Variants in IGDCC4 observed in about 807,000 individuals in gnomAD.
The protein encoded by IGDCC4 is immunoglobulin superfamily DCC subclass member 4.
IGDCC4 carries 72 observed loss-of-function variants against 116.6 expected under a neutral mutation model. The observed-to-expected ratio is 0.62, with a 90% CI of 0.51 to 0.75. The LOEUF (loss-of-function observed/expected upper bound fraction) is 0.75, where lower values mean the gene tolerates loss of function less well. Ranked by LOEUF, IGDCC4 falls within the 30% of genes least tolerant of loss-of-function variation. The pLI is 0.00. For synonymous variants in IGDCC4, 709 were observed against 719.9 expected, an observed-to-expected ratio of 0.98 and a Z score of 0.24; for missense variants, 1,501 against 1,662.4, an observed-to-expected ratio of 0.90 and a Z score of 1.69.
At position 65,383,919 on chromosome 15, in the gene IGDCC4, A is replaced by G. The variant is rs1458280375; in HGVS notation, c.*90T>C. On this transcript the variant is annotated 3_prime_UTR_variant, in exon 20 of 20. Coordinates refer to ENST00000352385, the MANE Select transcript of IGDCC4 (RefSeq NM_020962.3). Reference sequence around the variant, plus strand: ...CTCCAAAGGGCTTGATGATGTATCTACAGGCACACATGTGGACATACACGG... The same window carrying G: ...CTCCAAAGGGCTTGATGATGTATCTGCAGGCACACATGTGGACATACACGG... 8.0e-7 allele frequency: 1 copy of G among 1,257,596 alleles called. No individual in the cohort carries two copies. Among genetic ancestry groups the G allele is most frequent in the Non-Finnish European group, 1.1e-6 (1 of 927,518 alleles). 77.9% of individuals were successfully genotyped at this position (1,257,596 alleles called of 1,614,324 possible). A position where few individuals can be genotyped will look rare whatever the true frequency, so the allele number is the denominator to read the frequency against.
intron 1 of IGDCC4, among the ~76,000 whole-genome samples, chr15:65,414,881 A>G (rs1489091780): frequency 6.6e-6 from 1 of 152,232 alleles, no homozygotes; most frequent in Non-Finnish European, 1.5e-5. Context: ...ACCTCAAGTG[A>G]TCTGCCTGCC....
At chr15:65,413,334 A>C (rs142540477) in intron 1 of IGDCC4, among the ~76,000 whole-genome samples, 144 of 152,110 alleles carry the variant, frequency 9.5e-4, no homozygotes, top group African/African-American at 3.3e-3. Context: ...CCCTGCAGCT[A>C]ATTTCCCCAA....
intron 4 of IGDCC4, 34 bp downstream of exon 4, chr15:65,402,316 AC>A (rs2062994729): frequency 1.9e-6 from 3 of 1,550,302 alleles, no homozygotes; most frequent in African/African-American, 1.4e-5. Context: ...GGTTCCAGAA[AC>A]CCCCAGGTTT....
rs1348762491 is a variant in IGDCC4, at chr15:65,385,087, C to T, written c.3209G>A (p.Ser1070Asn). The T allele has an allele frequency of 2.5e-6, 4 of 1,601,290 alleles. No homozygotes were observed. The highest frequency in any genetic ancestry group is 1.3e-5 in the African/African-American group (1 of 74,252). The change falls in exon 19 of 20, where the codon AGC (serine) becomes AAC (asparagine). Residue 1070 changes from serine (S) to asparagine (N), a missense_variant. Ser to Asn is a conservative substitution (Grantham distance 46, BLOSUM62 1). Transcript: ENST00000352385. Reference protein sequence around the residue: ...KISWAQPSGLSWAGSWAGCEL... With the variant: ...KISWAQPSGLNWAGSWAGCEL... ...ACAGCCTGCCCAGGAACCAGCCCAG[C>T]TCAGCCCGCTTGGTTGAGCCCAGGA...
At chr15:65,395,297 C>T (rs751475093) in intron 7 of IGDCC4, 39 bp from the exon 8 acceptor site, 1 of 1,572,450 alleles carries the variant, frequency 6.4e-7, no homozygotes, top group African/African-American at 1.4e-5. Context: ...CATAGTGCCA[C>T]CCCCCCGTGC....
chr15:65,385,382 A>G, intron 18 of IGDCC4: 1 of 549,756 alleles, frequency 1.8e-6, no homozygotes, highest in Non-Finnish European at 3.2e-6. Flanking sequence ...GGAGAGGGTG[A>G]GGGAGGACGG....
chr15:65,422,515 T>G (rs2063202301), intron 1 of IGDCC4, among the ~76,000 whole-genome samples: 1 of 83,336 alleles, frequency 1.2e-5, no homozygotes, highest in African/African-American at 6.2e-5. Context: ...ACAGGAGCAC[T>G]CCCAACACAC....
intron 3 of IGDCC4, among the ~76,000 whole-genome samples, chr15:65,409,855 C>T (rs916811812): frequency 2.0e-5 from 3 of 152,166 alleles, no homozygotes; most frequent in East Asian, 1.9e-4. Context: ...GCTCATGGTA[C>T]GGCTTGGGAT....
Position 65,422,919 on chromosome 15 carries a change from C to A in IGDCC4, c.-57G>T. On this transcript the variant is annotated 5_prime_UTR_variant, in exon 1 of 20. Transcript: ENST00000352385. ...CGCCTCCCCGTGCTTCGGCCGCCGC[C>A]GCGGGGGGAGAGCGCGCCGGGCGTC... 4 of 975,886 alleles carry A rather than the reference C, an allele frequency of 4.1e-6. No individual in the cohort carries two copies. Among genetic ancestry groups the A allele is most frequent in the South Asian group, 9.2e-5 (2 of 21,806 alleles). 60.5% of individuals were successfully genotyped at this position (975,886 alleles called of 1,614,324 possible).
chr15:65,386,435 T>G (rs891603867), intron 17 of IGDCC4, 116 bp downstream of exon 17: 3 of 867,692 alleles, frequency 3.5e-6, no homozygotes, highest in Non-Finnish European at 5.6e-6. Context: ...GTCCTGACTT[T>G]AACGGGGCTC....
chr15:65,394,255 TG>T (rs1449263414), intron 9 of IGDCC4, among the ~76,000 whole-genome samples, 155 bp downstream of exon 9: 1 of 152,028 alleles, frequency 6.6e-6, no homozygotes, highest in East Asian at 1.9e-4. Context: ...TTTTCATTCC[TG>T]CCCAGACCCC....
chr15:65,409,960 G>T (rs1326747924), intron 3 of IGDCC4, among the ~76,000 whole-genome samples: 2 of 152,154 alleles, frequency 1.3e-5, no homozygotes, highest in African/African-American at 4.8e-5. Context: ...ACCTACCCAG[G>T]CTCCACAGCT....
chr15:65,396,387 C>A, intron 6 of IGDCC4: 1 of 690,620 alleles, frequency 1.4e-6, no homozygotes, highest in Non-Finnish European at 2.6e-6. Context: ...CTTTCTCTCC[C>A]AAAACTGTCC....
At chr15:65,411,442 C>A (rs2063093523) in intron 1 of IGDCC4, 72 bp from the exon 2 acceptor site, 1 of 1,319,930 alleles carries the variant, frequency 7.6e-7, no homozygotes, top group South Asian at 1.6e-5. Context: ...TCCTGAGTCA[C>A]CCATGCAGGG....
chr15:65,394,597 G>T lies in IGDCC4; in HGVS notation c.1577-49C>A, dbSNP rs1200984664. On this transcript the variant is annotated intron_variant, in intron 8 of 19. Transcript: ENST00000352385. ...GAGCTCTGCTCCACCGACGTGGAAG[G>T]TGAGGCTCGGGAGCGGTCAGAGACT... The T allele has an allele frequency of 2.0e-6, 3 of 1,535,904 alleles. 1 individual carries two copies. Among genetic ancestry groups the T allele is most frequent in the Middle Eastern group, 3.7e-4 (2 of 5,414 alleles).
intron 1 of IGDCC4, among the ~76,000 whole-genome samples, chr15:65,414,115 G>A (rs992847385): frequency 1.3e-5 from 2 of 152,214 alleles, no homozygotes; most frequent in East Asian, 3.8e-4. Flanking sequence ...TAGAAGCCCT[G>A]TGAGTCTCCA....
chr15:65,422,937 C>A lies in IGDCC4; in HGVS notation c.-75G>T, dbSNP rs1235115306. On this transcript the variant is annotated 5_prime_UTR_variant, in exon 1 of 20. Coordinates refer to ENST00000352385, the MANE Select transcript of IGDCC4 (RefSeq NM_020962.3). ...CCGCCGCCGCGGGGGGAGAGCGCGCCGGGCGTCAGTGGCCCGGGGAGGCGC... is the reference window on the plus strand; with the variant it reads ...CCGCCGCCGCGGGGGGAGAGCGCGCAGGGCGTCAGTGGCCCGGGGAGGCGC... 4.2e-6 allele frequency: 4 copies of A among 943,596 alleles called. No homozygotes were observed. The highest frequency in any genetic ancestry group is 5.0e-6 in the Non-Finnish European group (4 of 794,722). The allele number at this position is 943,596 out of a possible 1,614,324, so 58.5% of individuals were successfully genotyped here. A position where few individuals can be genotyped will look rare whatever the true frequency, so the allele number is the denominator to read the frequency against.
intron 1 of IGDCC4, among the ~76,000 whole-genome samples, chr15:65,416,398 A>C (rs1192145568): frequency 6.6e-6 from 1 of 152,014 alleles, no homozygotes; most frequent in Admixed American, 6.5e-5. Context: ...CGGCCTTCCA[A>C]AGTGCTGGGA....
chr15:65,393,579 G>A lies in IGDCC4; in HGVS notation c.1715-48C>T, dbSNP rs1294159212. 1.3e-6 allele frequency: 2 copies of A among 1,547,166 alleles called. No homozygotes were observed. The highest frequency in any genetic ancestry group is 1.2e-5 in the South Asian group (1 of 80,266). On this transcript the variant is annotated intron_variant, in intron 9 of 19. Transcript: ENST00000352385. The surrounding 1 kb of genome is among the most constrained non-coding windows in gnomAD (Gnocchi z 4.6). ...CTGCTGGGTAGCCACCTGAGGAACAGGATCCTAAACCCCCCTACATGGCTC... is the reference window on the plus strand; with the variant it reads ...CTGCTGGGTAGCCACCTGAGGAACAAGATCCTAAACCCCCCTACATGGCTC...
Sources: allele counts gnomAD v4.1 joint callset (sites outside exome capture counted in the v4.1 genomes callset), GRCh38; gene constraint gnomAD v4.1.1; non-coding constraint Gnocchi (gnomAD v3.1); transcripts MANE v1.5; gene names NCBI Gene and HGNC (gene_info 2026-07-23, HGNC 2026-07-21).